The following NAA16 variants were observed in gnomAD, a reference collection of about 807,000 sequenced individuals.
The protein encoded by NAA16 is NARG1-like protein.
A neutral mutation model predicts 110.3 loss-of-function variants in NAA16; 97 were observed. The ratio of observed to expected loss-of-function variants is 0.88; its 90% CI spans 0.75 to 1.04. The LOEUF is 1.04. Among genes scored for constraint, NAA16 ranks in the 50% least tolerant of loss-of-function variants. The pLI, the probability that NAA16 is intolerant of heterozygous loss-of-function variation, is 0.00. For synonymous variants in NAA16, 372 were observed against 330.6 expected (o/e 1.13, Z -1.36); for missense variants, 1,017 against 1,005.1 (o/e 1.01, Z -0.16).
At chr13:41,313,959 C>A (rs1174085632) in intron 1 of NAA16, among the ~76,000 whole-genome samples, 4 of 151,328 alleles carry the variant, frequency 2.6e-5, no homozygotes, top group South Asian at 2.1e-4. Flanking sequence ...CAGATTCAAG[C>A]GATTCTCGTG....
At chr13:41,321,007 A>G (rs1280419850) in intron 4 of NAA16, among the ~76,000 whole-genome samples, 183 bp downstream of exon 4, 2 of 152,240 alleles carry the variant, frequency 1.3e-5, no homozygotes, top group Non-Finnish European at 2.9e-5. Flanking sequence ...GAGTATTCAA[A>G]AAGAATAACT....
chr13:41,357,474 G>A (rs7358856), intron 10 of NAA16, among the ~76,000 whole-genome samples: 144,320 of 152,356 alleles, frequency 0.95, 68,426 homozygotes, highest in South Asian at 0.99. Context: ...GAGGAACAGA[G>A]TAGAAGCTTA....
chr13:41,323,840 T>C, intron 5 of NAA16, among the ~76,000 whole-genome samples: 2 of 152,216 alleles, frequency 1.3e-5, no homozygotes, highest in East Asian at 3.8e-4. Flanking sequence ...TTGATGGAGA[T>C]GGTGTGGATT....
intron 7 of NAA16, among the ~76,000 whole-genome samples, chr13:41,329,893 A>T (rs1278829041): frequency 6.6e-6 from 1 of 152,022 alleles, no homozygotes; most frequent in African/African-American, 2.4e-5. Flanking sequence ...TATAAAATGT[A>T]TTGATTACAA....
chr13:41,362,390 T>C, intron 13 of NAA16: 2 of 436,140 alleles, frequency 4.6e-6, no homozygotes, highest in East Asian at 4.9e-5. Context: ...GGAAAAAGAT[T>C]GTTAGTAAAC....
At chr13:41,340,927 A>C (rs1486227311) in intron 9 of NAA16, among the ~76,000 whole-genome samples, 1 of 152,056 alleles carries the variant, frequency 6.6e-6, no homozygotes, top group East Asian at 1.9e-4. Context: ...TCGGCCTCCC[A>C]AAGTGCTGGG....
chr13:41,328,680 A>G (rs2139405825), intron 6 of NAA16, 44 bp from the exon 7 acceptor site: 1 of 1,508,250 alleles, frequency 6.6e-7, no homozygotes, highest in Non-Finnish European at 9.1e-7. Flanking sequence ...GGTCAGATAG[A>G]TATTTAATGT....
At chr13:41,336,106 A>G (rs893271009) in intron 8 of NAA16, among the ~76,000 whole-genome samples, 1 of 152,190 alleles carries the variant, frequency 6.6e-6, no homozygotes, top group African/African-American at 2.4e-5. Flanking sequence ...AATGTCTAAC[A>G]TAAATTTACT....
chr13:41,376,747 T>G lies in NAA16; in HGVS notation c.*1145T>G, dbSNP rs1227047995. The G allele has an allele frequency of 6.6e-6, 1 of 152,230 alleles. No homozygotes were observed. The highest frequency in any genetic ancestry group is 1.5e-5 in the Non-Finnish European group (1 of 68,038). The allele number at this position is 152,230 out of a possible 1,614,324, so 9.4% of individuals were successfully genotyped here. Reference sequence around the variant, plus strand: ...TTAGTTTAACTCTTAAAACATAGTGTTGTTAAACAGTATTTTTTGGGGGCG... The same window carrying G: ...TTAGTTTAACTCTTAAAACATAGTGGTGTTAAACAGTATTTTTTGGGGGCG... On this transcript the variant is annotated 3_prime_UTR_variant, in exon 20 of 20. Coordinates refer to ENST00000379406, the MANE Select transcript of NAA16 (RefSeq NM_024561.5).
intron 13 of NAA16, among the ~76,000 whole-genome samples, chr13:41,365,091 A>G (rs527550155): frequency 1.3e-5 from 2 of 152,332 alleles, no homozygotes; most frequent in East Asian, 1.9e-4. Context: ...ACTTTTCTGC[A>G]GTGAGCTAAG....
chr13:41,325,596 C>T, intron 5 of NAA16, 102 bp from the exon 6 acceptor site: 1 of 654,618 alleles, frequency 1.5e-6, no homozygotes, highest in Non-Finnish European at 2.4e-6. Flanking sequence ...GGGTTGCTTT[C>T]TTGTTTATGT....
At chr13:41,366,901 A>C (rs2043217889) in intron 13 of NAA16, among the ~76,000 whole-genome samples, 1 of 152,196 alleles carries the variant, frequency 6.6e-6, no homozygotes, top group South Asian at 2.1e-4. Context: ...CCCTAATAAG[A>C]AGCTTATCTC....
chr13:41,343,649 C>A (rs2042611082), intron 9 of NAA16, among the ~76,000 whole-genome samples: 1 of 152,182 alleles, frequency 6.6e-6, no homozygotes, highest in Non-Finnish European at 1.5e-5. Flanking sequence ...CCTGCCTCAG[C>A]CTCCCGAGTA....
At chr13:41,352,507 T>C (rs1458916480) in intron 9 of NAA16, among the ~76,000 whole-genome samples, 1 of 151,426 alleles carries the variant, frequency 6.6e-6, no homozygotes, top group Non-Finnish European at 1.5e-5. Context: ...ATACAAAAAT[T>C]AGCCAGGCAT....
intron 9 of NAA16, chr13:41,354,609 GC>G (rs1161642677): frequency 1.3e-5 from 2 of 152,200 alleles, no homozygotes; most frequent in Non-Finnish European, 2.9e-5. Flanking sequence ...CAGGCGCCAT[GC>G]CAATCTCTTA....
At chr13:41,354,886 ATTTTTTT>A (rs10671840) in intron 9 of NAA16, among the ~76,000 whole-genome samples, 1 of 112,452 alleles carries the variant, frequency 8.9e-6, no homozygotes, top group South Asian at 3.0e-4. Flanking sequence ...GGAGTGGTCC[ATTTTTTT>A]TTTTTTTTTT....
At chr13:41,354,950 G>GT (rs1440876537) in intron 9 of NAA16, among the ~76,000 whole-genome samples, 194 bp from the exon 10 acceptor site, 1 of 75,008 alleles carries the variant, frequency 1.3e-5, no homozygotes, top group African/African-American at 5.5e-5. Context: ...ATTATTTTGT[G>GT]TTTTTTTCCA....
chr13:41,365,974 T>G (rs1416952406), intron 13 of NAA16, among the ~76,000 whole-genome samples: 1 of 152,232 alleles, frequency 6.6e-6, no homozygotes, highest in Non-Finnish European at 1.5e-5. Context: ...CCACCATTTT[T>G]CCTTAGTTAA....
At chr13:41,316,496 G>A (rs1390257566) in intron 1 of NAA16, among the ~76,000 whole-genome samples, 2 of 151,812 alleles carry the variant, frequency 1.3e-5, no homozygotes, top group East Asian at 1.9e-4. Flanking sequence ...TAGTAGAGAC[G>A]GTTTCACCAT....
Sources: gnomAD v4.1 joint callset for allele counts (sites outside exome capture counted in the v4.1 genomes callset) on GRCh38, gnomAD v4.1.1 for gene constraint, MANE v1.5 for transcripts, NCBI Gene and HGNC (gene_info 2026-07-23, HGNC 2026-07-21) for gene names.